FBN2: variants seen among roughly 807,000 people sequenced by gnomAD.
FBN2 encodes the protein fibrillin 2.
Under a neutral mutation model 355.6 loss-of-function variants are expected in FBN2, and 105 were observed. That is an observed-to-expected ratio of 0.30 (90% CI 0.25 to 0.35). The LOEUF is 0.35. Ranked by LOEUF, FBN2 falls within the 10% of genes least tolerant of loss-of-function variation. FBN2 has a pLI of 1.00. For missense variants in FBN2, 3,280 were observed against 3,758.7 expected, an observed-to-expected ratio of 0.87 and a Z score of 3.33; for synonymous variants, 1,350 against 1,301.2, an observed-to-expected ratio of 1.04 and a Z score of -0.81.
intron 7 of FBN2, among the ~76,000 whole-genome samples, chr5:128,410,919 C>T (rs1753045079): frequency 6.6e-6 from 1 of 152,274 alleles, no homozygotes; most frequent in Middle Eastern, 3.4e-3. Context: ...TTGGGCTAGA[C>T]ATCTACCATA....
intron 63 of FBN2, among the ~76,000 whole-genome samples, chr5:128,262,149 C>G (rs552097618): frequency 6.6e-6 from 1 of 152,306 alleles, no homozygotes; most frequent in South Asian, 2.1e-4. Flanking sequence ...CTTCTGGGCT[C>G]AAGAGCTCCT....
At chr5:128,380,470 C>G (rs752007597) in intron 11 of FBN2, among the ~76,000 whole-genome samples, 1 of 152,000 alleles carries the variant, frequency 6.6e-6, no homozygotes, top group African/African-American at 2.4e-5. Flanking sequence ...TGTTTTCTCC[C>G]CTGGAGAGTC....
At chr5:128,289,996 A>G in intron 50 of FBN2, 49 bp from the exon 51 acceptor site, 1 of 1,073,564 alleles carries the variant, frequency 9.3e-7, no homozygotes, top group South Asian at 1.3e-5. Flanking sequence ...TGAAATTATC[A>G]AAGAACTTAA....
At chr5:128,328,026 T>A (rs1750601321) in intron 34 of FBN2, 1 of 153,560 alleles carries the variant, frequency 6.5e-6, no homozygotes, top group Admixed American at 6.4e-5. Context: ...TCTCCTTTCT[T>A]CATTTATATT....
chr5:128,438,115 C>T (rs769131098), intron 7 of FBN2, among the ~76,000 whole-genome samples: 5 of 152,150 alleles, frequency 3.3e-5, no homozygotes, highest in East Asian at 1.9e-4. Context: ...CTCAAGCCTC[C>T]GGAGTAGCTG....
chr5:128,388,682 T>C (rs1007443113), intron 11 of FBN2, among the ~76,000 whole-genome samples: 5 of 152,232 alleles, frequency 3.3e-5, no homozygotes, highest in Non-Finnish European at 7.3e-5. Context: ...TTCTGGCTTG[T>C]AGGGTTCCTG....
chr5:128,536,570 G>A (rs2058792005), intron 1 of FBN2, 86 bp from the exon 2 acceptor site: 18 of 905,582 alleles, frequency 2.0e-5, no homozygotes, highest in Non-Finnish European at 7.2e-6. Context: ...TGCCCCGAGC[G>A]AGTAGATTTC....
intron 7 of FBN2, chr5:128,442,469 C>T (rs1753948101): frequency 2.7e-6 from 1 of 363,920 alleles, no homozygotes; most frequent in African/African-American, 2.2e-5. Flanking sequence ...TTCTCCTTCC[C>T]TTCTTCATTT....
In FBN2 at chr5:128,312,508, T is replaced by C. The variant is rs886082429; in HGVS notation, c.4879+126A>G. 9 of 925,624 alleles carry C rather than the reference T, an allele frequency of 9.7e-6. No homozygotes were observed. In the East Asian group the frequency reaches 1.9e-4, roughly 20 times the overall value. 57.3% of individuals were successfully genotyped at this position (925,624 alleles called of 1,614,324 possible). The stretch of plus-strand genomic sequence containing the variant: ...CTGGTTTCAGAGTGATCACTGAAAG[T>C]AGTTCAAATTCAGTTTTTTTGTTTT... On this transcript the variant is annotated intron_variant, in intron 37 of 64. Coordinates refer to ENST00000262464, the MANE Select transcript of FBN2 (RefSeq NM_001999.4).
At chr5:128,436,044 C>T (rs952132424) in intron 7 of FBN2, among the ~76,000 whole-genome samples, 1 of 152,126 alleles carries the variant, frequency 6.6e-6, no homozygotes, top group Non-Finnish European at 1.5e-5. Flanking sequence ...CAGTAATTCC[C>T]CATGAAATAT....
At chr5:128,466,811 G>C (rs149826638) in intron 5 of FBN2, among the ~76,000 whole-genome samples, 40 of 152,148 alleles carry the variant, frequency 2.6e-4, no homozygotes, top group African/African-American at 9.4e-4. Context: ...GTGAAGATAT[G>C]GCAACCTTAT....
chr5:128,416,561 T>C (rs897766662), intron 7 of FBN2, among the ~76,000 whole-genome samples: 6 of 152,242 alleles, frequency 3.9e-5, no homozygotes, highest in African/African-American at 1.4e-4. Context: ...TTTAGGTCTT[T>C]AATCCATCTT....
chr5:128,270,561 G>T (rs1271084358), intron 62 of FBN2, among the ~76,000 whole-genome samples: 1 of 151,998 alleles, frequency 6.6e-6, no homozygotes, highest in Non-Finnish European at 1.5e-5. Flanking sequence ...GAAAACGTCG[G>T]CAATATCATC....
chr5:128,299,228 C>G (rs1202921377), intron 48 of FBN2, among the ~76,000 whole-genome samples: 1 of 151,654 alleles, frequency 6.6e-6, no homozygotes, highest in East Asian at 1.9e-4. Context: ...AACCACTGCT[C>G]TCTTCAAAGC....
chr5:128,451,975 A>G (rs1001728729), intron 6 of FBN2, among the ~76,000 whole-genome samples: 1 of 152,184 alleles, frequency 6.6e-6, no homozygotes, highest in Non-Finnish European at 1.5e-5. Context: ...GAAGAACGAA[A>G]CCCTTATTTT....
chr5:128,519,219 T>C, intron 5 of FBN2, 54 bp downstream of exon 5: 1 of 1,269,668 alleles, frequency 7.9e-7, no homozygotes, highest in Non-Finnish European at 1.1e-6. Context: ...AAATTATACA[T>C]TTTTACAATA....
rs199702573 is a variant in FBN2 at position 128,537,472 on chromosome 5, C to A, written c.132G>T (p.Pro44=). ...PPKPPRPQPP[P]QQVRSATAGS... is the part of the protein sequence containing the mutation. ...CTGCTGTAGCGGACCGAACCTGTTGCGGCGGCGGCTGGGGCCGGGGCGGCT... is the reference window on the plus strand; with the variant it reads ...CTGCTGTAGCGGACCGAACCTGTTGAGGCGGCGGCTGGGGCCGGGGCGGCT... Residue 44 remains proline (P), a synonymous_variant, in exon 1 of 65, where the codon CCG becomes CCT. Coordinates refer to ENST00000262464, the MANE Select transcript of FBN2 (RefSeq NM_001999.4). 1.2e-6 allele frequency: 2 copies of A among 1,600,454 alleles called. No homozygotes were observed. The highest frequency in any genetic ancestry group is 1.7e-6 in the Non-Finnish European group (2 of 1,175,032).
At chr5:128,371,434 T>A (rs183627722) in intron 15 of FBN2, among the ~76,000 whole-genome samples, 108 of 152,186 alleles carry the variant, frequency 7.1e-4, no homozygotes, top group African/African-American at 2.5e-3. Flanking sequence ...TCTCTCTTTT[T>A]CTTTCTTTTC....
intron 5 of FBN2, among the ~76,000 whole-genome samples, chr5:128,468,569 T>A (rs1754774400): frequency 6.6e-6 from 1 of 152,242 alleles, no homozygotes; most frequent in Non-Finnish European, 1.5e-5. Context: ...TTCACCATTT[T>A]ATATTCTCCT....
Sources: gnomAD v4.1 joint callset for allele counts (sites outside exome capture counted in the v4.1 genomes callset) on GRCh38, gnomAD v4.1.1 for gene constraint, MANE v1.5 for transcripts, NCBI Gene and HGNC (gene_info 2026-07-23, HGNC 2026-07-21) for gene names.